The following ABL1 variants were observed in gnomAD, a reference collection of about 807,000 sequenced individuals.
ABL1 encodes tyrosine-protein kinase ABL1.
Under a neutral mutation model 94.7 loss-of-function variants are expected in ABL1, and 11 were observed. That is an observed-to-expected ratio of 0.12 (90% CI 0.07 to 0.19). ABL1 has a LOEUF of 0.19. ABL1 is among the 10% of genes least tolerant of loss of function. The probability of loss-of-function intolerance (pLI) is 1.00; values close to 1 mark genes in which losing one functional copy is unlikely to be tolerated. For missense variants in ABL1, 1,082 were observed against 1,489.4 expected (o/e 0.73, Z 4.50); for synonymous variants, 656 against 622.4 (o/e 1.05, Z -0.80).
At chr9:130,761,986 A>G (rs1482888111) in intron 1 of ABL1, among the ~76,000 whole-genome samples, 2 of 152,076 alleles carry the variant, frequency 1.3e-5, no homozygotes, top group African/African-American at 4.8e-5. Flanking sequence ...TCTACTAAAA[A>G]TACAAAATTA....
chr9:130,731,497 G>A (rs1831666413), intron 1 of ABL1, among the ~76,000 whole-genome samples: 1 of 151,950 alleles, frequency 6.6e-6, no homozygotes, highest in African/African-American at 2.4e-5. Context: ...TTCTGTGTAG[G>A]GGCGAAGGTT....
Position 130,884,859 on chromosome 9 carries a change from G to A in ABL1, c.2569G>A (p.Ala857Thr). The A allele has an allele frequency of 6.2e-7, 1 of 1,605,770 alleles. No individual in the cohort carries two copies. The change falls in exon 11 of 11, where the codon GCA becomes ACA. Residue 857 changes from alanine to threonine, a missense_variant. Physicochemically the swap from Ala to Thr is moderately conservative, Grantham distance 58. Coordinates refer to ENST00000318560, the MANE Select transcript of ABL1 (RefSeq NM_005157.6). This position sits in a 1 kb window ranked among gnomAD's most constrained non-coding sequence, Gnocchi z 5.6. ...AAEPVTPTSKAGSGAPGGTSK... is the reference protein window; with the variant it reads ...AAEPVTPTSKTGSGAPGGTSK... Reference sequence around the variant, plus strand: ...TGAGCCAGTGACCCCCACCAGCAAAGCAGGCTCAGGTGCACCAGGGGGCAC... The same window carrying A: ...TGAGCCAGTGACCCCCACCAGCAAAACAGGCTCAGGTGCACCAGGGGGCAC...
intron 1 of ABL1, among the ~76,000 whole-genome samples, chr9:130,817,308 A>G (rs1830299704): frequency 6.6e-6 from 1 of 152,226 alleles, no homozygotes; most frequent in Non-Finnish European, 1.5e-5. Flanking sequence ...TGTACTTTAT[A>G]TTCTTAGCTC....
chr9:130,761,639 A>G (rs1832116533), intron 1 of ABL1, among the ~76,000 whole-genome samples: 1 of 152,242 alleles, frequency 6.6e-6, no homozygotes, highest in African/African-American at 2.4e-5. Context: ...GTGCCACTCC[A>G]GTGCTATGGT....
chr9:130,829,564 CAAAAAAAAAAA>C (rs1167581144), intron 1 of ABL1, among the ~76,000 whole-genome samples: 1 of 68,708 alleles, frequency 1.5e-5, no homozygotes, highest in Non-Finnish European at 3.1e-5. Context: ...GACTACGTCT[CAAAAAAAAAAA>C]AAAAAAAAAA....
intron 1 of ABL1, among the ~76,000 whole-genome samples, chr9:130,822,267 C>A (rs373002355): frequency 6.6e-6 from 1 of 152,130 alleles, no homozygotes; most frequent in Admixed American, 6.6e-5. Context: ...CCACCACGAC[C>A]GGTCAAATTG....
chr9:130,730,046 C>CTTTTTTTTTTTTTTTTTTTTTTT (rs138446676), intron 1 of ABL1, among the ~76,000 whole-genome samples: 4 of 107,178 alleles, frequency 3.7e-5, no homozygotes, highest in African/African-American at 3.9e-5. Flanking sequence ...CCCAGCCAGA[C>CTTTTTTTTTTTTTTTTTTTTTTT]TTTTTTTTTT....
intron 10 of ABL1, among the ~76,000 whole-genome samples, chr9:130,882,116 T>A (rs1041650051): frequency 2.0e-5 from 3 of 152,166 alleles, no homozygotes; most frequent in Non-Finnish European, 4.4e-5. Flanking sequence ...CCTCCTCTTA[T>A]CGGTTTTCCT....
intron 10 of ABL1, among the ~76,000 whole-genome samples, chr9:130,883,643 T>G (rs756556581): frequency 6.6e-6 from 1 of 152,084 alleles, no homozygotes; most frequent in African/African-American, 2.4e-5. Flanking sequence ...CTAGTGAGTA[T>G]AAAAACGATG....
chr9:130,877,808 ATTTTT>A (rs34577725), intron 7 of ABL1, among the ~76,000 whole-genome samples: 1 of 129,320 alleles, frequency 7.7e-6, no homozygotes, highest in Non-Finnish European at 1.6e-5. Flanking sequence ...ACCTGGCTAA[ATTTTT>A]TTTTTTTTTT....
chr9:130,874,211 G>C (rs1831303673), intron 6 of ABL1, among the ~76,000 whole-genome samples: 1 of 152,156 alleles, frequency 6.6e-6, no homozygotes, highest in African/African-American at 2.4e-5. Context: ...TAATGTTCAT[G>C]AACCAAAGAT....
Position 130,854,057 on chromosome 9 carries a change from C to T in ABL1, c.80-7C>T. On this transcript the variant is annotated splice_polypyrimidine_tract_variant and splice_region_variant and intron_variant, in intron 1 of 10. Coordinates refer to ENST00000318560, the MANE Select transcript of ABL1 (RefSeq NM_005157.6). ...TTCTTTTTTCTGTTCCCCCCTTTCT[C>T]TTCCAGAAGCCCTTCAGCGGCCAGT... The T allele has an allele frequency of 6.3e-7, 1 of 1,593,228 alleles. No individual in the cohort carries two copies. The highest frequency in any genetic ancestry group is 8.5e-7 in the Non-Finnish European group (1 of 1,171,038).
chr9:130,875,078 G>A, intron 7 of ABL1, 26 bp downstream of exon 7: 1 of 1,609,676 alleles, frequency 6.2e-7, no homozygotes, highest in Non-Finnish European at 8.5e-7. Context: ...GCACTGAAGT[G>A]GTCCTTCCTG....
rs775242844 is a variant in ABL1 at position 130,862,734 on chromosome 9, G to A, written c.550-29G>A. On this transcript the variant is annotated intron_variant, in intron 3 of 10. Coordinates refer to ENST00000318560, the MANE Select transcript of ABL1 (RefSeq NM_005157.6). This position sits in a 1 kb window ranked among gnomAD's most constrained non-coding sequence, Gnocchi z 5.5. ...CTCTTTGAGCTTGCCTGTCTCTGTG[G>A]GCTGAAGGCTGTTCCCTGTTTCCTT... is the stretch of plus-strand genomic sequence containing the variant. 28 of 1,603,620 alleles carry A rather than the reference G, an allele frequency of 1.7e-5. No individual in the cohort carries two copies. In the East Asian group the frequency reaches 5.6e-4, roughly 32 times the overall value.
intron 6 of ABL1, among the ~76,000 whole-genome samples, chr9:130,873,391 T>C (rs868736294): frequency 4.6e-5 from 7 of 152,378 alleles, no homozygotes; most frequent in Middle Eastern, 3.4e-3. Context: ...AGAGTACTCA[T>C]TGTTCCTCCG....
intron 1 of ABL1, among the ~76,000 whole-genome samples, chr9:130,780,508 G>C (rs1829742392): frequency 6.6e-6 from 1 of 152,148 alleles, no homozygotes; most frequent in African/African-American, 2.4e-5. Flanking sequence ...GAAAACTCTT[G>C]CAACTTTCGT....
At chr9:130,878,371 T>A (rs1247904339) in intron 7 of ABL1, 44 bp from the exon 8 acceptor site, 1 of 1,606,698 alleles carries the variant, frequency 6.2e-7, no homozygotes, top group South Asian at 1.1e-5. Context: ...TGTAGTGAAA[T>A]GCTACACATC....
chr9:130,743,392 T>C (rs1831844582), intron 1 of ABL1, among the ~76,000 whole-genome samples: 1 of 152,160 alleles, frequency 6.6e-6, no homozygotes, highest in African/African-American at 2.4e-5. Flanking sequence ...CTTTTAATAG[T>C]GCTTGGGGGA....
chr9:130,850,426 C>T (rs769300606), intron 1 of ABL1, among the ~76,000 whole-genome samples: 3 of 152,172 alleles, frequency 2.0e-5, no homozygotes. Flanking sequence ...GAAATTGAAG[C>T]TGGAAGTGAG....
Sources: gnomAD v4.1 joint callset for allele counts (sites outside exome capture counted in the v4.1 genomes callset) on GRCh38, gnomAD v4.1.1 for gene constraint, Gnocchi (gnomAD v3.1) non-coding constraint, MANE v1.5 for transcripts, NCBI Gene and HGNC (gene_info 2026-07-23, HGNC 2026-07-21) for gene names.